PGD: variants seen among roughly 807,000 people sequenced by gnomAD.
PGD encodes the protein 6-phosphogluconate dehydrogenase, decarboxylating.
A neutral mutation model predicts 60.4 loss-of-function variants in PGD; 21 were observed. The observed-to-expected ratio is 0.35, with a 90% CI of 0.25 to 0.50. The LOEUF (loss-of-function observed/expected upper bound fraction) is 0.50. Among genes scored for constraint, PGD ranks in the 20% least tolerant of loss-of-function variants. The pLI is 0.98. For synonymous variants in PGD, 230 were observed against 235.9 expected, an observed-to-expected ratio of 0.97 and a Z score of 0.23; for missense variants, 477 against 613.1, an observed-to-expected ratio of 0.78 and a Z score of 2.34.
At chr1:10,416,963 C>A in intron 8 of PGD, 24 bp from the exon 9 acceptor site, 1 of 1,610,522 alleles carries the variant, frequency 6.2e-7, no homozygotes, top group Non-Finnish European at 8.5e-7. Flanking sequence ...TAATCTGTTT[C>A]CTCTTCCCGA....
Position 10,419,833 on chromosome 1 carries a change from C to G in PGD, c.*84C>G. Reference sequence around the variant, plus strand: ...TGGCACTGCCACCTGGCCCTTTGCCCTATTTTCTGTTCAGTTTTTTAAAAG... The same window carrying G: ...TGGCACTGCCACCTGGCCCTTTGCCGTATTTTCTGTTCAGTTTTTTAAAAG... On this transcript the variant is annotated 3_prime_UTR_variant, in exon 13 of 13. Transcript: ENST00000270776. 6.6e-7 allele frequency: 1 copy of G among 1,503,992 alleles called. No individual in the cohort carries two copies. Among genetic ancestry groups the G allele is most frequent in the Non-Finnish European group, 9.1e-7 (1 of 1,098,148 alleles). 93.2% of individuals were successfully genotyped at this position (1,503,992 alleles called of 1,614,324 possible).
intron 10 of PGD, 149 bp downstream of exon 10, chr1:10,417,658 G>A (rs1639619983): frequency 2.8e-6 from 2 of 715,214 alleles, no homozygotes; most frequent in South Asian, 4.0e-5. Flanking sequence ...TAGATTATGT[G>A]GTTCCCTTCT....
In PGD at chr1:10,403,155, A is replaced by G; in HGVS notation, c.330+19A>G. ...CACCACAGTAAGTGTTCTTCAGTCC[A>G]GATTCTTCCAGGTTCCGAGAACATT... On this transcript the variant is annotated intron_variant, in intron 4 of 12. Transcript: ENST00000270776. 1.3e-6 allele frequency: 2 copies of G among 1,542,572 alleles called. No individual in the cohort carries two copies. Among genetic ancestry groups the G allele is most frequent in the Non-Finnish European group, 1.8e-6 (2 of 1,114,916 alleles).
chr1:10,412,947 G>A lies in PGD; in HGVS notation c.655-115G>A, dbSNP rs1368504622. 6.1e-6 allele frequency: 5 copies of A among 815,824 alleles called. No individual in the cohort carries two copies. The East Asian group carries it at 7.5e-5, about 12-fold the overall frequency. The allele number at this position is 815,824 out of a possible 1,614,324, so 50.5% of individuals were successfully genotyped here. ...CAGGAGCAGAAGTCCCCAGGCAGACGCGAGCAGAGCCTGCTGGCAACCGTG... is the reference window on the plus strand; with the variant it reads ...CAGGAGCAGAAGTCCCCAGGCAGACACGAGCAGAGCCTGCTGGCAACCGTG... On this transcript the variant is annotated intron_variant, in intron 7 of 12. Coordinates refer to ENST00000270776, the MANE Select transcript of PGD (RefSeq NM_002631.4).
intron 6 of PGD, among the ~76,000 whole-genome samples, chr1:10,409,780 A>G (rs1469903306): frequency 6.8e-6 from 1 of 147,406 alleles, no homozygotes; most frequent in Non-Finnish European, 1.5e-5. Context: ...CTCAGCCTCC[A>G]TTGTAGCTGG....
rs2102386412 is a variant in PGD, at chr1:10,403,107, G to A, written c.301G>A (p.Gly101Arg). 1 of 1,610,526 alleles carries A rather than the reference G, an allele frequency of 6.2e-7. No individual in the cohort carries two copies. The highest frequency in any genetic ancestry group is 8.5e-7 in the Non-Finnish European group (1 of 1,176,796). ...GGATACTGGTGACATCATCATTGAC[G>A]GAGGAAATTCTGAATATAGGGACAC... ...LLDTGDIIID[G>R]GNSEYRDTTR... The change falls in exon 4 of 13, where the codon GGA becomes AGA. Residue 101 changes from glycine to arginine, a missense_variant. Around this residue, in one of 3 missense-constraint regions of PGD, gnomAD observed 431 missense variants for 556.6 expected, o/e 0.77. Coordinates refer to ENST00000270776, the MANE Select transcript of PGD (RefSeq NM_002631.4).
At position 10,399,090 on chromosome 1, in the gene PGD, G is replaced by T. The variant is rs1437495011; in HGVS notation, c.-28G>T. ...CCTCACTCGTCCTCCGCGCGTCGCC[G>T]CTCTTCGGTTCTGCTCTGTCCGCCG... On this transcript the variant is annotated 5_prime_UTR_variant, in exon 1 of 13. Transcript: ENST00000270776. 5 of 1,608,874 alleles carry T rather than the reference G, an allele frequency of 3.1e-6. No individual in the cohort carries two copies. In the African/African-American group the frequency reaches 4.0e-5, roughly 13 times the overall value.
intron 3 of PGD, among the ~76,000 whole-genome samples, chr1:10,401,584 A>G (rs766168511): frequency 6.6e-5 from 10 of 152,238 alleles, no homozygotes; most frequent in Non-Finnish European, 1.2e-4. Context: ...AAAAAAGGAC[A>G]TACTAAATTT....
At chr1:10,413,701 TGAG>T (rs1187983609) in intron 8 of PGD, among the ~76,000 whole-genome samples, 1 of 152,038 alleles carries the variant, frequency 6.6e-6, no homozygotes, top group Non-Finnish European at 1.5e-5. Flanking sequence ...GTCAGGAGAT[TGAG>T]ACCATCCTGG....
At chr1:10,405,489 C>T (rs1436210888) in intron 5 of PGD, among the ~76,000 whole-genome samples, 1 of 150,730 alleles carries the variant, frequency 6.6e-6, no homozygotes, top group African/African-American at 2.4e-5. Context: ...ATCCGCTTGC[C>T]CTGGCCTCCC....
chr1:10,403,078 T>C lies in PGD; in HGVS notation c.272T>C (p.Leu91Ser). ...VDDFIEKLVP[L>S]LDTGDIIIDG... ...GCTGGTGTCTGGTTACAGGTACCAT[T>C]GTTGGATACTGGTGACATCATCATT... is the stretch of plus-strand genomic sequence containing the variant. Residue 91 changes from leucine (L) to serine (S), a missense_variant, in exon 4 of 13, where the codon TTG becomes TCG. Around this residue, in one of 3 missense-constraint regions of PGD, gnomAD observed 431 missense variants for 556.6 expected, o/e 0.77. Coordinates refer to ENST00000270776, the MANE Select transcript of PGD (RefSeq NM_002631.4). 1 of 1,607,474 alleles carries C rather than the reference T, an allele frequency of 6.2e-7. No homozygotes were observed. Among genetic ancestry groups the C allele is most frequent in the Non-Finnish European group, 8.5e-7 (1 of 1,174,006 alleles).
rs188086263 is a variant in PGD at position 10,408,715 on chromosome 1, C to T, written c.519+575C>T. Among the ~76,000 whole-genome samples, 98 of 152,288 alleles carry T rather than the reference C, an allele frequency of 6.4e-4. 2 individuals carry two copies. The highest frequency in any genetic ancestry group is 8.9e-4 in the African/African-American group (37 of 41,552). On this transcript the variant is annotated intron_variant, in intron 6 of 12. Coordinates refer to ENST00000270776, the MANE Select transcript of PGD (RefSeq NM_002631.4). ...CCTCCACCTCCCAGGCTCAAGCAAT[C>T]CTCCTGCCTCAGCCTCCTGAGTAGC... is the stretch of plus-strand genomic sequence containing the variant.
chr1:10,406,240 C>G (rs747874034), intron 5 of PGD, among the ~76,000 whole-genome samples: 1 of 152,068 alleles, frequency 6.6e-6, no homozygotes, highest in South Asian at 2.1e-4. Flanking sequence ...AGTAGAGAGG[C>G]CTTTCTGCTT....
At chr1:10,399,730 C>G in intron 2 of PGD, 26 bp downstream of exon 2, 3 of 1,606,704 alleles carry the variant, frequency 1.9e-6, no homozygotes, top group Non-Finnish European at 2.6e-6. Context: ...GCGTTGTCTT[C>G]TCTCTGGTTC....
At chr1:10,412,032 C>T (rs550802402) in intron 7 of PGD, among the ~76,000 whole-genome samples, 1 of 147,270 alleles carries the variant, frequency 6.8e-6, no homozygotes, top group African/African-American at 2.7e-5. Context: ...ATACACACCT[C>T]CTCCTTTCTC....
intron 3 of PGD, among the ~76,000 whole-genome samples, chr1:10,401,581 G>A (rs376988130): frequency 6.6e-6 from 1 of 152,174 alleles, no homozygotes; most frequent in East Asian, 1.9e-4. Context: ...TTAAAAAAAG[G>A]ACATACTAAA....
chr1:10,417,370 CTT>C lies in PGD; in HGVS notation c.976-4_976-3del, dbSNP rs1285375983. On this transcript the variant is annotated splice_region_variant and splice_polypyrimidine_tract_variant and intron_variant, in intron 9 of 12. Coordinates refer to ENST00000270776, the MANE Select transcript of PGD (RefSeq NM_002631.4). Reference sequence around the variant, plus strand: ...AATCCTAGTAGGTCTCTGTGTCACTCTTTAGGCACTCTACGCTTCCAAGATCA... The same window carrying C: ...AATCCTAGTAGGTCTCTGTGTCACTCTAGGCACTCTACGCTTCCAAGATCA... The C allele has an allele frequency of 1.2e-6, 2 of 1,605,174 alleles. No individual in the cohort carries two copies. Among genetic ancestry groups the C allele is most frequent in the Admixed American group, 1.7e-5 (1 of 59,040 alleles).
intron 8 of PGD, among the ~76,000 whole-genome samples, chr1:10,415,997 T>C (rs1321565266): frequency 6.6e-6 from 1 of 152,036 alleles, no homozygotes; most frequent in Non-Finnish European, 1.5e-5. Context: ...CTTATCAATG[T>C]AAAATCTTCA....
intron 8 of PGD, among the ~76,000 whole-genome samples, chr1:10,416,390 T>C (rs1001877069): frequency 2.8e-4 from 43 of 152,262 alleles, no homozygotes; most frequent in Non-Finnish European, 4.3e-4. Context: ...ATTAACTGTT[T>C]AGAGCTTCTT....
Sources: gnomAD v4.1 joint callset for allele counts (sites outside exome capture counted in the v4.1 genomes callset) on GRCh38, gnomAD v4.1.1 for gene constraint, gnomAD v4.1.1 regional missense constraint, MANE v1.5 for transcripts, NCBI Gene and HGNC (gene_info 2026-07-23, HGNC 2026-07-21) for gene names.